RIPK1: variants seen among roughly 807,000 people sequenced by gnomAD.
RIPK1 encodes the protein receptor interacting serine/threonine kinase 1, also known as receptor-interacting serine/threonine-protein kinase 1.
A neutral mutation model predicts 62.4 loss-of-function variants in RIPK1; 27 were observed. The ratio of observed to expected loss-of-function variants is 0.43; its 90% confidence interval spans 0.32 to 0.60. The LOEUF (loss-of-function observed/expected upper bound fraction) is 0.60. Among genes scored for constraint, RIPK1 ranks in the 20% least tolerant of loss-of-function variants. The probability of loss-of-function intolerance (pLI) is 0.07; values close to 1 mark genes in which losing one functional copy is unlikely to be tolerated. For missense variants in RIPK1, 735 were observed against 831.0 expected, an observed-to-expected ratio of 0.88 and a Z score of 1.42; for synonymous variants, 287 against 303.2, an observed-to-expected ratio of 0.95 and a Z score of 0.55.
rs1338555760 is a variant in RIPK1 at position 3,096,561 on chromosome 6, T to G, written c.915+6904T>G. Among the ~76,000 whole-genome samples the G allele has an allele frequency of 5.8e-3, 769 of 132,922 alleles. 9 individuals are homozygous for G. The highest frequency in any genetic ancestry group is 0.021 in the African/African-American group (752 of 35,032). 87.2% of individuals were successfully genotyped at this position (132,922 alleles called of 152,430 possible). A position where few individuals can be genotyped will look rare whatever the true frequency, so the allele number is the denominator to read the frequency against. ...AACCAATATCTCAAGTTTTTTTTTT[T>G]TTTTTTTTTTTTTTTTGAGACAGAG... is the stretch of plus-strand genomic sequence containing the variant. On this transcript the variant is annotated intron_variant, in intron 7 of 10. Coordinates refer to ENST00000259808, the MANE Select transcript of RIPK1 (RefSeq NM_001354930.2).
Position 3,094,078 on chromosome 6 carries a change from C to A in RIPK1, c.915+4421C>A, listed in dbSNP as rs113484122. Among the ~76,000 whole-genome samples, 781 of 118,042 alleles carry A rather than the reference C, an allele frequency of 6.6e-3. 120 individuals carry two copies. The highest frequency in any genetic ancestry group is 0.044 in the African/African-American group (712 of 16,290). The allele number at this position is 118,042 out of a possible 152,430, so 77.4% of individuals were successfully genotyped here. ...TACCTGCCGCACCTAGTAACTGCAG[C>A]GCGCCTACCTCCTGCACCTAGTAAC... On this transcript the variant is annotated intron_variant, in intron 7 of 10. Coordinates refer to ENST00000259808, the MANE Select transcript of RIPK1 (RefSeq NM_001354930.2).
chr6:3,105,765 G>A lies in RIPK1; in HGVS notation c.1290G>A (p.Gln430=). The A allele has an allele frequency of 6.2e-7, 1 of 1,614,206 alleles. No individual in the cohort carries two copies. Among genetic ancestry groups the A allele is most frequent in the Non-Finnish European group, 8.5e-7 (1 of 1,180,052 alleles). Residue 430 remains glutamine (Q), a synonymous_variant, in exon 9 of 11, where the codon CAG becomes CAA. Coordinates refer to ENST00000259808, the MANE Select transcript of RIPK1 (RefSeq NM_001354930.2). This position sits in a 1 kb window ranked among gnomAD's most constrained non-coding sequence, Gnocchi z 4.5. ...AGCAAAGACCTTACGAGAATTTTCA[G>A]AATACAGAGGGAAAAGGCACTGCTT... ...FAQQRPYENF[Q]NTEGKGTAYS...
At position 3,076,836 on chromosome 6, in the gene RIPK1, A is replaced by G. The variant is rs767169449; in HGVS notation, c.13A>G (p.Met5Val). MQPD[M>V]SLNVIKMKSS... ...CTTGAGCTTCAGAATGCAACCAGAC[A>G]TGTCCTTGAATGTCATTAAGATGAA... The change falls in exon 2 of 11, where the codon ATG becomes GTG. Residue 5 changes from methionine (M) to valine (V), a missense_variant. This residue lies in a region of RIPK1 where 671 missense variants were observed against 726.2 expected (regional missense o/e 0.92). Coordinates refer to ENST00000259808, the MANE Select transcript of RIPK1 (RefSeq NM_001354930.2). The G allele has an allele frequency of 1.2e-6, 2 of 1,613,150 alleles. No individual in the cohort carries two copies. Among genetic ancestry groups the G allele is most frequent in the Admixed American group, 1.7e-5 (1 of 59,936 alleles).
At chr6:3,098,118 G>C (rs1000837523) in intron 7 of RIPK1, among the ~76,000 whole-genome samples, 1 of 151,938 alleles carries the variant, frequency 6.6e-6, no homozygotes, top group African/African-American at 2.4e-5. Flanking sequence ...ATGACTGCTT[G>C]GGCCCAGGAG....
At chr6:3,077,257 G>C (rs2113577706) in intron 2 of RIPK1, among the ~76,000 whole-genome samples, 1 of 152,168 alleles carries the variant, frequency 6.6e-6, no homozygotes, top group South Asian at 2.1e-4. Flanking sequence ...TGTGGTGGGG[G>C]GACAATGAAA....
Position 3,094,091 on chromosome 6 carries a change from T to G in RIPK1, c.915+4434T>G, listed in dbSNP as rs13195111. Among the ~76,000 whole-genome samples, 121 of 106,008 alleles carry G rather than the reference T, an allele frequency of 1.1e-3. 9 individuals carry two copies. Among genetic ancestry groups the G allele is most frequent in the East Asian group, 3.2e-3 (11 of 3,416 alleles). The allele number at this position is 106,008 out of a possible 152,430, so 69.5% of individuals were successfully genotyped here. A position where few individuals can be genotyped will look rare whatever the true frequency, so the allele number is the denominator to read the frequency against. ...TAGTAACTGCAGCGCGCCTACCTCC[T>G]GCACCTAGTAACTGCAGAGTACCTA... On this transcript the variant is annotated intron_variant, in intron 7 of 10. Coordinates refer to ENST00000259808, the MANE Select transcript of RIPK1 (RefSeq NM_001354930.2).
At chr6:3,087,914 C>G (rs1273844971) in intron 6 of RIPK1, among the ~76,000 whole-genome samples, 1 of 151,868 alleles carries the variant, frequency 6.6e-6, no homozygotes, top group Admixed American at 6.5e-5. Context: ...TTTGCTGAGA[C>G]TTTCTATTTT....
At chr6:3,098,513 G>A (rs1274653636) in intron 7 of RIPK1, among the ~76,000 whole-genome samples, 1 of 152,148 alleles carries the variant, frequency 6.6e-6, no homozygotes. Context: ...GTTTATGGAT[G>A]GAAAGACTTG....
At position 3,072,746 on chromosome 6, in the gene RIPK1, C is replaced by G. The variant is rs1758793479; in HGVS notation, c.-60-4018C>G. ...TGGCTTCCTTGACAAAATGACAGTT[C>G]TCTGACACCTAACCAGGCAAGAAGT... On this transcript the variant is annotated intron_variant, in intron 1 of 10. Transcript: ENST00000259808. This position sits in a 1 kb window ranked among gnomAD's most constrained non-coding sequence, Gnocchi z 5.6. Among the ~76,000 whole-genome samples, 1 of 152,138 alleles carries G rather than the reference C, an allele frequency of 6.6e-6. No individual in the cohort carries two copies. The highest frequency in any genetic ancestry group is 6.5e-5 in the Admixed American group (1 of 15,270).
Position 3,076,717 on chromosome 6 carries a change from T to C in RIPK1, c.-60-47T>C, listed in dbSNP as rs1759076384. 2 of 438,876 alleles carry C rather than the reference T, an allele frequency of 4.6e-6. 1 individual carries two copies. The highest frequency in any genetic ancestry group is 4.7e-5 in the African/African-American group (2 of 42,910). The allele number at this position is 438,876 out of a possible 1,614,324, so 27.2% of individuals were successfully genotyped here. A position where few individuals can be genotyped will look rare whatever the true frequency, so the allele number is the denominator to read the frequency against. ...AAAAAAACATATATATATATATATA[T>C]ATATATATAGTCTTGCCCTGAGGTT... On this transcript the variant is annotated intron_variant, in intron 1 of 10. Coordinates refer to ENST00000259808, the MANE Select transcript of RIPK1 (RefSeq NM_001354930.2).
rs149116173 is a variant in RIPK1 at position 3,077,881 on chromosome 6, C to T, written c.267C>T (p.Ser89=). The change falls in exon 3 of 11, where the codon TCC becomes TCT. Residue 89 remains serine (S), a synonymous_variant. Transcript: ENST00000259808. ...TCATCATAGAGGAAGGGAAGTACTC[C>T]CTGGTGATGGAGTACATGGAGAAGG... ...LGVIIEEGKY[S]LVMEYMEKGN... The T allele has an allele frequency of 1.4e-5, 23 of 1,614,056 alleles. No individual in the cohort carries two copies. The highest frequency in any genetic ancestry group is 1.9e-5 in the Non-Finnish European group (23 of 1,180,018).
intron 9 of RIPK1, among the ~76,000 whole-genome samples, chr6:3,107,890 G>A (rs986690354): frequency 1.3e-5 from 2 of 151,912 alleles, no homozygotes; most frequent in African/African-American, 2.4e-5. Context: ...GGAAAGGGGC[G>A]CTTGGATCTA....
At position 3,081,099 on chromosome 6, in the gene RIPK1, A is replaced by C; in HGVS notation, c.442A>C (p.Asn148His). The C allele has an allele frequency of 6.2e-7, 1 of 1,614,110 alleles. No homozygotes were observed. Among genetic ancestry groups the C allele is most frequent in the Non-Finnish European group, 8.5e-7 (1 of 1,179,988 alleles). ...GAAGCCTGAAAATATCCTTGTTGAT[A>C]ATGACTTCCACATTAAGGTAAACCA... ...DLKPENILVDNDFHIKIADLG... is the reference protein window; with the variant it reads ...DLKPENILVDHDFHIKIADLG... Residue 148 changes from asparagine (N) to histidine (H), a missense_variant, in exon 4 of 11, where the codon AAT becomes CAT. Asn to His is a moderately conservative substitution (Grantham distance 68, BLOSUM62 1). This residue lies in a region of RIPK1 where 671 missense variants were observed against 726.2 expected (regional missense o/e 0.92). Transcript: ENST00000259808.
intron 9 of RIPK1, among the ~76,000 whole-genome samples, chr6:3,109,819 C>G (rs1218638975): frequency 6.6e-6 from 1 of 152,202 alleles, no homozygotes; most frequent in African/African-American, 2.4e-5. Context: ...CGGACAACCA[C>G]CATTCTACTC....
At position 3,073,196 on chromosome 6, in the gene RIPK1, TAC is replaced by T. The variant is rs200817296; in HGVS notation, c.-60-3562_-60-3561del. On this transcript the variant is annotated intron_variant, in intron 1 of 10. Coordinates refer to ENST00000259808, the MANE Select transcript of RIPK1 (RefSeq NM_001354930.2). ...TATATCTACATATACAATATATGCA[TAC>T]ACACATACAAATATGTGTATATATA... Among the ~76,000 whole-genome samples, 792 of 150,780 alleles carry T rather than the reference TAC, an allele frequency of 5.3e-3. 6 individuals are homozygous for T. The highest frequency in any genetic ancestry group is 0.016 in the African/African-American group (674 of 41,250).
Position 3,085,356 on chromosome 6 carries a change from T to G in RIPK1, c.786T>G (p.Ser262Arg). 1 of 1,614,156 alleles carries G rather than the reference T, an allele frequency of 6.2e-7. No individual in the cohort carries two copies. Among genetic ancestry groups the G allele is most frequent in the Non-Finnish European group, 8.5e-7 (1 of 1,180,038 alleles). Reference protein sequence around the residue: ...ITEYCPREIISLMKLCWEANP... With the variant: ...ITEYCPREIIRLMKLCWEANP... ...AGTACTGCCCAAGAGAAATTATCAG[T>G]CTCATGAAGCTCTGCTGGGAAGCGA... The change falls in exon 6 of 11, where the codon AGT becomes AGG. Residue 262 changes from serine (S) to arginine (R), a missense_variant. This residue lies in a region of RIPK1 where 671 missense variants were observed against 726.2 expected (regional missense o/e 0.92). Transcript: ENST00000259808.
At chr6:3,085,228 C>G (rs1245057942) in intron 5 of RIPK1, 31 bp from the exon 6 acceptor site, 2 of 1,613,002 alleles carry the variant, frequency 1.2e-6, no homozygotes, top group Non-Finnish European at 1.7e-6. Context: ...GAGAGAGGAG[C>G]AAGACCTGAA....
At chr6:3,097,617 G>A (rs1760383243) in intron 7 of RIPK1, among the ~76,000 whole-genome samples, 1 of 152,098 alleles carries the variant, frequency 6.6e-6, no homozygotes, top group East Asian at 1.9e-4. Context: ...ACAGAAATGT[G>A]AAAGATAAAA....
At chr6:3,068,321 C>G, upstream of RIPK1, 1 of 985,502 alleles carries the variant, frequency 1.0e-6, no homozygotes, top group Non-Finnish European at 1.2e-6. Context: ...TTTCGGTTTC[C>G]TCTTTTACGT....
Sources: allele counts gnomAD v4.1 joint callset (sites outside exome capture counted in the v4.1 genomes callset), GRCh38; gene constraint gnomAD v4.1.1; regional missense constraint gnomAD v4.1.1; non-coding constraint Gnocchi (gnomAD v3.1); transcripts MANE v1.5; gene names NCBI Gene and HGNC (gene_info 2026-07-23, HGNC 2026-07-21).